Variants in PALLD observed in about 807,000 individuals in gnomAD.
The protein encoded by PALLD is palladin.
A neutral mutation model predicts 123.5 loss-of-function variants in PALLD; 61 were observed. The observed-to-expected ratio is 0.49, with a 90% CI of 0.40 to 0.61. The LOEUF is 0.61. Among genes scored for constraint, PALLD ranks in the 20% least tolerant of loss-of-function variants. PALLD has a pLI of 0.00. For synonymous variants in PALLD, 465 were observed against 496.4 expected, an observed-to-expected ratio of 0.94 and a Z score of 0.84; for missense variants, 1,273 against 1,377.0, an observed-to-expected ratio of 0.92 and a Z score of 1.20.
At chr4:168,527,800 T>C (rs1433987147) in intron 2 of PALLD, among the ~76,000 whole-genome samples, 1 of 152,128 alleles carries the variant, frequency 6.6e-6, no homozygotes, top group African/African-American at 2.4e-5. Flanking sequence ...AGGTTTCCGG[T>C]TGGGCTAAGT....
intron 8 of PALLD, among the ~76,000 whole-genome samples, chr4:168,697,595 A>G (rs958758779): frequency 2.6e-5 from 4 of 152,156 alleles, no homozygotes; most frequent in Non-Finnish European, 4.4e-5. Context: ...TCTCCCCTCC[A>G]TGGACTGTCA....
At chr4:168,708,594 C>T (rs760786779) in intron 8 of PALLD, among the ~76,000 whole-genome samples, 9 of 152,128 alleles carry the variant, frequency 5.9e-5, no homozygotes, top group Non-Finnish European at 1.3e-4. Context: ...GTTAACATTT[C>T]AGAAGAGCTT....
chr4:168,590,381 C>T (rs771686791), intron 2 of PALLD, among the ~76,000 whole-genome samples: 4 of 152,190 alleles, frequency 2.6e-5, no homozygotes, highest in African/African-American at 9.7e-5. Context: ...GTCTCAATAT[C>T]CGCTTATCCC....
chr4:168,911,863 C>T (rs906110917), intron 15 of PALLD, among the ~76,000 whole-genome samples: 30 of 152,280 alleles, frequency 2.0e-4, no homozygotes, highest in Non-Finnish European at 3.5e-4. Flanking sequence ...ATAGCAAACA[C>T]CGTGAATGCC....
intron 2 of PALLD, among the ~76,000 whole-genome samples, chr4:168,637,275 C>G (rs1205118202): frequency 6.6e-6 from 1 of 152,002 alleles, no homozygotes; most frequent in Admixed American, 6.6e-5. Flanking sequence ...AGCCCCACTC[C>G]AGTCTTCCCT....
At chr4:168,763,606 C>T (rs1581351013) in intron 10 of PALLD, among the ~76,000 whole-genome samples, 1 of 152,088 alleles carries the variant, frequency 6.6e-6, no homozygotes, top group East Asian at 1.9e-4. Context: ...AAGGTGTTTC[C>T]CTGGAGATGC....
At chr4:168,833,704 TG>T (rs1744681871) in intron 10 of PALLD, among the ~76,000 whole-genome samples, 1 of 151,878 alleles carries the variant, frequency 6.6e-6, no homozygotes, top group Non-Finnish European at 1.5e-5. Context: ...GGGTTTGGGT[TG>T]CTTCTAGAAA....
intron 10 of PALLD, among the ~76,000 whole-genome samples, chr4:168,719,615 G>T (rs1223527502): frequency 6.6e-6 from 1 of 152,134 alleles, no homozygotes; most frequent in African/African-American, 2.4e-5. Context: ...GGGGATACAT[G>T]TGTACGTTAG....
intron 10 of PALLD, among the ~76,000 whole-genome samples, chr4:168,868,947 A>G (rs1750709762): frequency 6.6e-6 from 1 of 152,194 alleles, no homozygotes; most frequent in Non-Finnish European, 1.5e-5. Context: ...ACATAAACTT[A>G]TTGCGTTTTT....
At chr4:168,574,950 A>G (rs1355800879) in intron 2 of PALLD, among the ~76,000 whole-genome samples, 3 of 152,118 alleles carry the variant, frequency 2.0e-5, no homozygotes, top group African/African-American at 4.8e-5. Flanking sequence ...ATTCACCAGC[A>G]TATTATGTCC....
intron 2 of PALLD, among the ~76,000 whole-genome samples, chr4:168,522,987 G>T (rs1292850086): frequency 6.6e-6 from 1 of 152,090 alleles, no homozygotes; most frequent in South Asian, 2.1e-4. Context: ...ATATAACAGT[G>T]CATGGTAAAT....
chr4:168,828,045 C>A (rs548933145), intron 10 of PALLD, among the ~76,000 whole-genome samples: 1 of 152,164 alleles, frequency 6.6e-6, no homozygotes, highest in African/African-American at 2.4e-5. Context: ...CGTCTCAAAA[C>A]AACAACAACA....
At chr4:168,525,906 TATA>T (rs1763998003) in intron 2 of PALLD, among the ~76,000 whole-genome samples, 1 of 152,264 alleles carries the variant, frequency 6.6e-6, no homozygotes, top group Admixed American at 6.5e-5. Context: ...CTGTGTAACC[TATA>T]ATAATTATAT....
intron 11 of PALLD, among the ~76,000 whole-genome samples, chr4:168,891,631 A>C (rs1875299): frequency 0.65 from 98,499 of 150,888 alleles, 33,808 homozygotes; most frequent in Non-Finnish European, 0.76. Context: ...AGGAAGAAGG[A>C]AGGGCAGATA....
Position 168,785,846 on chromosome 4 carries a change from GATATATATATATAT to G in PALLD, c.1964+73941_1964+73954del, listed in dbSNP as rs6148775. 6.7e-4 allele frequency among the ~76,000 whole-genome samples: 54 copies of G among 80,916 alleles called. 3 individuals carry two copies. Among genetic ancestry groups the G allele is most frequent in the African/African-American group, 1.6e-3 (42 of 25,742 alleles). 53.1% of individuals were successfully genotyped at this position (80,916 alleles called of 152,430 possible). A position where few individuals can be genotyped will look rare whatever the true frequency, so the allele number is the denominator to read the frequency against. On this transcript the variant is annotated intron_variant, in intron 10 of 21. Transcript: ENST00000505667. ...AGAGTCAGTTCTAATAAACTGTAGA[GATATATATATATAT>G]ATATATATATATATATAGCATTTTA...
chr4:168,629,062 G>C (rs1775571381), intron 2 of PALLD, among the ~76,000 whole-genome samples: 1 of 151,432 alleles, frequency 6.6e-6, no homozygotes, highest in Non-Finnish European at 1.5e-5. Flanking sequence ...TGTCGCCCAG[G>C]CTGGAGTATA....
chr4:168,923,571 T>C (rs1030353899), intron 18 of PALLD, among the ~76,000 whole-genome samples: 7 of 145,018 alleles, frequency 4.8e-5, no homozygotes, highest in African/African-American at 1.7e-4. Flanking sequence ...TTTTTCAGAA[T>C]AGTACTAAAG....
In PALLD at chr4:168,524,933, G is replaced by C. The variant is rs531753930; in HGVS notation, c.908+12521G>C. On this transcript the variant is annotated intron_variant, in intron 2 of 21. Coordinates refer to ENST00000505667, the MANE Select transcript of PALLD (RefSeq NM_001166108.2). ...GCAACTTGTGAGGGCCTGAGCTACA[G>C]TGCCTCCTCTATCAAAGCCATTTTG... 5.3e-5 allele frequency among the ~76,000 whole-genome samples: 8 copies of C among 152,252 alleles called. No individual in the cohort carries two copies. The East Asian group carries it at 1.5e-3, about 29-fold the overall frequency.
intron 10 of PALLD, among the ~76,000 whole-genome samples, chr4:168,751,731 C>A (rs956070925): frequency 1.6e-4 from 24 of 152,126 alleles, no homozygotes; most frequent in African/African-American, 5.8e-4. Flanking sequence ...GGACAGTAAC[C>A]TGCTAGCAAA....
Sources: gnomAD v4.1 joint callset for allele counts (sites outside exome capture counted in the v4.1 genomes callset) on GRCh38, gnomAD v4.1.1 for gene constraint, MANE v1.5 for transcripts, NCBI Gene and HGNC (gene_info 2026-07-23, HGNC 2026-07-21) for gene names.